RAPGEF1: variants seen among roughly 807,000 people sequenced by gnomAD.
RAPGEF1 encodes Rap guanine nucleotide exchange factor 1.
In RAPGEF1, 33 loss-of-function variants were observed where a neutral mutation model predicts 143.3. That is an observed-to-expected ratio of 0.23 (90% CI 0.17 to 0.31). The LOEUF is 0.31. RAPGEF1 is among the 10% of genes least tolerant of loss of function. The pLI is 1.00. For missense variants in RAPGEF1, 1,199 were observed against 1,645.4 expected (o/e 0.73, Z 4.69); for synonymous variants, 629 against 676.5 (o/e 0.93, Z 1.09).
At chr9:131,639,432 A>T (rs1199476808) in intron 4 of RAPGEF1, among the ~76,000 whole-genome samples, 2 of 76,292 alleles carry the variant, frequency 2.6e-5, no homozygotes, top group African/African-American at 1.2e-4. Context: ...ATGGGAACGC[A>T]GGTGAGTGTG....
At position 131,584,650 on chromosome 9, in the gene RAPGEF1, C is replaced by A; in HGVS notation, c.3234-54G>T. ...CTGAGTTGACAAGTCCCTGCAGGTC[C>A]CAGGGGTCCTGGTGGAGACAGGACC... On this transcript the variant is annotated intron_variant, in intron 22 of 26. Coordinates refer to ENST00000683357, the MANE Select transcript of RAPGEF1 (RefSeq NM_001377935.1). The surrounding 1 kb of genome is among the most constrained non-coding windows in gnomAD (Gnocchi z 6.8). The A allele has an allele frequency of 6.3e-7, 1 of 1,581,374 alleles. No homozygotes were observed. Among genetic ancestry groups the A allele is most frequent in the South Asian group, 1.1e-5 (1 of 90,392 alleles).
chr9:131,681,110 T>A (rs1324171264), intron 1 of RAPGEF1, among the ~76,000 whole-genome samples: 1 of 152,104 alleles, frequency 6.6e-6, no homozygotes, highest in African/African-American at 2.4e-5. Flanking sequence ...AAGGAGAGTA[T>A]AGCTAGGTAA....
At chr9:131,735,903 T>C (rs1837382832) in intron 1 of RAPGEF1, among the ~76,000 whole-genome samples, 1 of 152,240 alleles carries the variant, frequency 6.6e-6, no homozygotes, top group Admixed American at 6.5e-5. Flanking sequence ...ATCAATTCTT[T>C]TGTTTTTTTC....
intron 16 of RAPGEF1, 136 bp from the exon 17 acceptor site, chr9:131,596,509 C>T: frequency 2.3e-6 from 2 of 882,610 alleles, no homozygotes; most frequent in Non-Finnish European, 3.6e-6. Context: ...GCTCCTCGGC[C>T]CAGGAGCAGT....
intron 1 of RAPGEF1, chr9:131,709,550 G>T: frequency 6.8e-7 from 1 of 1,461,012 alleles, no homozygotes; most frequent in Non-Finnish European, 9.6e-7. Context: ...CAGCTCTGCT[G>T]CTGGGCCAGT....
intron 1 of RAPGEF1, among the ~76,000 whole-genome samples, chr9:131,715,609 G>A (rs1202717570): frequency 2.6e-5 from 4 of 151,860 alleles, no homozygotes. Context: ...TCTGTACTTA[G>A]GATCCCAGCA....
chr9:131,662,230 A>G (rs780904370), intron 1 of RAPGEF1, among the ~76,000 whole-genome samples: 3 of 152,106 alleles, frequency 2.0e-5, no homozygotes, highest in Non-Finnish European at 2.9e-5. Context: ...GCACATACAC[A>G]TGGTAGATCT....
chr9:131,614,558 T>A (rs1207733896), intron 12 of RAPGEF1, among the ~76,000 whole-genome samples: 1 of 151,860 alleles, frequency 6.6e-6, no homozygotes, highest in Non-Finnish European at 1.5e-5. Context: ...AGTGAGTGAG[T>A]GAGAGGCAGA....
intron 12 of RAPGEF1, among the ~76,000 whole-genome samples, chr9:131,616,222 G>A (rs951062676): frequency 2.0e-5 from 3 of 152,114 alleles, no homozygotes; most frequent in African/African-American, 7.2e-5. Context: ...AGCCGAGATC[G>A]TGCCACTGAA....
intron 1 of RAPGEF1, among the ~76,000 whole-genome samples, chr9:131,672,426 G>A (rs75984933): frequency 0.096 from 14,559 of 152,238 alleles, 819 homozygotes; most frequent in Middle Eastern, 0.27. Context: ...ATGGGAGGGG[G>A]TCTGGATGCC....
chr9:131,694,535 C>T lies in RAPGEF1; in HGVS notation c.62-43586G>A, dbSNP rs187399780. On this transcript the variant is annotated intron_variant, in intron 1 of 26. Transcript: ENST00000683357. Reference sequence around the variant, plus strand: ...TCTTGCAATGAACCCAAGGCTGGCACGCTCTCGCTCACTCTGCTGCAGTCA... The same window carrying T: ...TCTTGCAATGAACCCAAGGCTGGCATGCTCTCGCTCACTCTGCTGCAGTCA... 9.8e-5 allele frequency among the ~76,000 whole-genome samples: 15 copies of T among 152,304 alleles called. 1 individual carries two copies. The East Asian group carries it at 2.9e-3, about 29-fold the overall frequency.
intron 1 of RAPGEF1, among the ~76,000 whole-genome samples, chr9:131,714,905 T>A (rs577001664): frequency 7.9e-5 from 12 of 152,162 alleles, no homozygotes; most frequent in Admixed American, 6.5e-4. Flanking sequence ...AGAGATAGCA[T>A]CTTGCTTGGT....
Position 131,667,250 on chromosome 9 carries a change from C to T in RAPGEF1, c.62-16301G>A, listed in dbSNP as rs1232931535. On this transcript the variant is annotated intron_variant, in intron 1 of 26. Coordinates refer to ENST00000683357, the MANE Select transcript of RAPGEF1 (RefSeq NM_001377935.1). The surrounding 1 kb of genome is among the most constrained non-coding windows in gnomAD (Gnocchi z 4.6). ...AGTGATCTGCCTGCCTCGGCCTCCC[C>T]AAAGTGCTGGGATTACAGGTGTGAG... is the stretch of plus-strand genomic sequence containing the variant. Among the ~76,000 whole-genome samples, 1 of 152,196 alleles carries T rather than the reference C, an allele frequency of 6.6e-6. No individual in the cohort carries two copies. The highest frequency in any genetic ancestry group is 1.5e-5 in the Non-Finnish European group (1 of 68,020).
At chr9:131,670,346 TA>T (rs1831167386) in intron 1 of RAPGEF1, among the ~76,000 whole-genome samples, 1 of 152,152 alleles carries the variant, frequency 6.6e-6, no homozygotes. Context: ...TGGGCTTGGC[TA>T]GGATCACCAC....
At position 131,603,984 on chromosome 9, in the gene RAPGEF1, C is replaced by T. The variant is rs201896150; in HGVS notation, c.2389G>A (p.Glu797Lys). 3.2e-5 allele frequency: 43 copies of T among 1,333,186 alleles called. No individual in the cohort carries two copies. In the East Asian group the frequency reaches 5.4e-4, roughly 17 times the overall value. The allele number at this position is 1,333,186 out of a possible 1,614,324, so 82.6% of individuals were successfully genotyped here. A position where few individuals can be genotyped will look rare whatever the true frequency, so the allele number is the denominator to read the frequency against. ...VNLYSSGQSSEELAPSRGEPP... is the reference protein window; with the variant it reads ...VNLYSSGQSSKELAPSRGEPP... ...ACTCCTCGAGAGGGAGCCAGCTCCT[C>T]GCTGCTCTGGCCAGAGGAATACAGA... Residue 797 changes from glutamate (E) to lysine (K), a missense_variant, in exon 14 of 27, where the codon GAG (glutamate) becomes AAG (lysine). Glu to Lys is a moderately conservative substitution (Grantham distance 56). Around this residue, in one of 6 missense-constraint regions of RAPGEF1, gnomAD observed 293 missense variants for 356.2 expected, o/e 0.82. Transcript: ENST00000683357.
intron 1 of RAPGEF1, among the ~76,000 whole-genome samples, chr9:131,673,503 A>T (rs1016286748): frequency 9.2e-5 from 14 of 152,346 alleles, no homozygotes; most frequent in African/African-American, 2.9e-4. Flanking sequence ...TAAGATGATA[A>T]CCACCTTTTA....
At chr9:131,662,947 G>A (rs2133686805) in intron 1 of RAPGEF1, among the ~76,000 whole-genome samples, 1 of 152,192 alleles carries the variant, frequency 6.6e-6, no homozygotes, top group South Asian at 2.1e-4. Flanking sequence ...GAGATCACAG[G>A]TGTGAGCCTC....
chr9:131,596,846 A>G (rs970383992), intron 16 of RAPGEF1, among the ~76,000 whole-genome samples: 1 of 152,180 alleles, frequency 6.6e-6, no homozygotes, highest in African/African-American at 2.4e-5. Context: ...GCGGCCCTAC[A>G]TCTAAATCCG....
At chr9:131,586,726 C>T (rs1208771901) in intron 22 of RAPGEF1, among the ~76,000 whole-genome samples, 1 of 100,268 alleles carries the variant, frequency 1.0e-5, no homozygotes, top group Non-Finnish European at 1.9e-5. Context: ...AGCGAGACTC[C>T]GTCTCACACA....
Sources: gnomAD v4.1 joint callset for allele counts (sites outside exome capture counted in the v4.1 genomes callset) on GRCh38, gnomAD v4.1.1 for gene constraint, gnomAD v4.1.1 regional missense constraint, Gnocchi (gnomAD v3.1) non-coding constraint, MANE v1.5 for transcripts, NCBI Gene and HGNC (gene_info 2026-07-23, HGNC 2026-07-21) for gene names.